DPF3: variants seen among roughly 807,000 people sequenced by gnomAD.
DPF3 encodes the protein zinc finger protein DPF3.
In DPF3, 18 loss-of-function variants were observed where a neutral mutation model predicts 56.8. The observed-to-expected ratio is 0.32, with a 90% CI of 0.22 to 0.47. The LOEUF is 0.47. DPF3 is among the 20% of genes least tolerant of loss of function. DPF3 has a pLI of 1.00. For synonymous variants in DPF3, 188 were observed against 180.2 expected (o/e 1.04, Z -0.35); for missense variants, 403 against 488.8 (o/e 0.82, Z 1.65).
chr14:72,651,798 G>A (rs924346012), intron 8 of DPF3, among the ~76,000 whole-genome samples: 11 of 152,214 alleles, frequency 7.2e-5, no homozygotes, highest in Non-Finnish European at 1.0e-4. Context: ...AGCCAGCCAC[G>A]TCGTGGTAGG....
At chr14:72,649,089 C>T (rs2049928185) in intron 8 of DPF3, among the ~76,000 whole-genome samples, 1 of 152,108 alleles carries the variant, frequency 6.6e-6, no homozygotes, top group Non-Finnish European at 1.5e-5. Flanking sequence ...CTCACTTCCC[C>T]TCAATGTCTT....
At chr14:72,846,211 A>G (rs974040175) in intron 1 of DPF3, among the ~76,000 whole-genome samples, 1 of 151,194 alleles carries the variant, frequency 6.6e-6, no homozygotes, top group Non-Finnish European at 1.5e-5. Context: ...CCTGTGCTCG[A>G]GCAATTCTCA....
intron 8 of DPF3, among the ~76,000 whole-genome samples, chr14:72,636,970 C>A (rs1423967121): frequency 1.3e-5 from 2 of 152,244 alleles, no homozygotes; most frequent in Admixed American, 6.5e-5. Flanking sequence ...TCCTGTGCAT[C>A]CAGCTCCACT....
intron 1 of DPF3, chr14:72,892,082 C>G: frequency 6.7e-7 from 1 of 1,485,390 alleles, no homozygotes; most frequent in Non-Finnish European, 8.9e-7. Flanking sequence ...AGAGATACTG[C>G]GCCCGCCCGC....
Position 72,805,133 on chromosome 14 carries a change from T to C in DPF3, c.33-33240A>G, listed in dbSNP as rs564504582. Among the ~76,000 whole-genome samples the C allele has an allele frequency of 2.7e-5, 4 of 150,532 alleles. No individual in the cohort carries two copies. In the East Asian group the frequency reaches 7.9e-4, roughly 30 times the overall value. ...GCCCCAGCCTCCCACAGGACCTGCC[T>C]ATACAGGCCATGACTGAAGAAGGGG... On this transcript the variant is annotated intron_variant, in intron 1 of 10. Coordinates refer to ENST00000556509, the MANE Select transcript of DPF3 (RefSeq NM_001280542.3).
intron 6 of DPF3, among the ~76,000 whole-genome samples, chr14:72,701,868 C>A (rs576282635): frequency 6.6e-6 from 1 of 152,162 alleles, no homozygotes; most frequent in Non-Finnish European, 1.5e-5. Flanking sequence ...TGACATACAA[C>A]CCTGAGGACA....
chr14:72,728,115 G>A (rs1473990873), intron 4 of DPF3, among the ~76,000 whole-genome samples: 3 of 152,166 alleles, frequency 2.0e-5, no homozygotes, highest in Admixed American at 2.0e-4. Flanking sequence ...CAGTGGCTCT[G>A]CCCCATGCAT....
chr14:72,700,151 C>G (rs1057091780), intron 6 of DPF3, among the ~76,000 whole-genome samples: 1 of 152,144 alleles, frequency 6.6e-6, no homozygotes, highest in African/African-American at 2.4e-5. Context: ...TGGAAAGAAA[C>G]GTCTTGAAAT....
At chr14:72,671,115 C>A (rs1555494580) in intron 8 of DPF3, 1 of 1,612,722 alleles carries the variant, frequency 6.2e-7, no homozygotes, top group South Asian at 1.1e-5. Flanking sequence ...GCTAATTGCC[C>A]AGAGAGTCTG....
At chr14:72,713,869 G>T (rs1888768549) in intron 6 of DPF3, among the ~76,000 whole-genome samples, 1 of 152,186 alleles carries the variant, frequency 6.6e-6, no homozygotes, top group Non-Finnish European at 1.5e-5. Flanking sequence ...TTGTCCAAAA[G>T]ATGTTTCTGA....
rs991620586 is a variant in DPF3 at position 72,869,559 on chromosome 14, T to A, written c.32+24498A>T. Among the ~76,000 whole-genome samples the A allele has an allele frequency of 4.6e-5, 7 of 152,136 alleles. No homozygotes were observed. The South Asian group carries it at 1.5e-3, about 32-fold the overall frequency. On this transcript the variant is annotated intron_variant, in intron 1 of 10. Transcript: ENST00000556509. ...TGGCCACTGAAAATCTTCTCGACTG[T>A]CACACGGATGGCGTCACTGGATGCC...
At chr14:72,779,382 T>C (rs1230979529) in intron 1 of DPF3, among the ~76,000 whole-genome samples, 2 of 152,188 alleles carry the variant, frequency 1.3e-5, no homozygotes, top group African/African-American at 4.8e-5. Flanking sequence ...CTCTTACCCA[T>C]CCTGACAAAA....
intron 1 of DPF3, among the ~76,000 whole-genome samples, chr14:72,810,821 G>T (rs1482216042): frequency 6.6e-6 from 1 of 152,184 alleles, no homozygotes; most frequent in Non-Finnish European, 1.5e-5. Context: ...CAGAATCATT[G>T]CAGATATAGT....
intron 4 of DPF3, 65 bp from the exon 5 acceptor site, chr14:72,723,793 G>C: frequency 2.1e-6 from 3 of 1,431,724 alleles, no homozygotes; most frequent in Non-Finnish European, 2.9e-6. Flanking sequence ...CCATCAGAGA[G>C]TAATTTTAAG....
chr14:72,672,056 C>T (rs867821455), intron 8 of DPF3, among the ~76,000 whole-genome samples: 7 of 138,636 alleles, frequency 5.0e-5, no homozygotes, highest in East Asian at 2.3e-4. Flanking sequence ...CACACACACA[C>T]ACAGACACAC....
intron 2 of DPF3, among the ~76,000 whole-genome samples, chr14:72,760,263 G>A (rs968626176): frequency 1.3e-5 from 2 of 152,178 alleles, no homozygotes; most frequent in African/African-American, 4.8e-5. Context: ...CTGAGGTCGG[G>A]AGTTCGAGAA....
chr14:72,863,925 C>T (rs776160117), intron 1 of DPF3, among the ~76,000 whole-genome samples: 9 of 152,186 alleles, frequency 5.9e-5, no homozygotes, highest in Middle Eastern at 3.4e-3. Context: ...ACCTGGGGGT[C>T]GGGGAAGAAG....
At chr14:72,823,551 T>C (rs376910937) in intron 1 of DPF3, among the ~76,000 whole-genome samples, 1 of 152,164 alleles carries the variant, frequency 6.6e-6, no homozygotes, top group Admixed American at 6.5e-5. Flanking sequence ...CACTGTTATA[T>C]ACGGGCTGCA....
intron 7 of DPF3, among the ~76,000 whole-genome samples, chr14:72,692,478 T>G (rs17119779): frequency 0.056 from 8,510 of 152,266 alleles, 346 homozygotes; most frequent in South Asian, 0.17. Flanking sequence ...TTCAGGATCA[T>G]TTTGGGTCTT....
Sources: allele counts gnomAD v4.1 joint callset (sites outside exome capture counted in the v4.1 genomes callset), GRCh38; gene constraint gnomAD v4.1.1; transcripts MANE v1.5; gene names NCBI Gene and HGNC (gene_info 2026-07-23, HGNC 2026-07-21).